The following WWOX variants were observed in gnomAD, a reference collection of about 807,000 sequenced individuals.
The protein encoded by WWOX is WW domain containing oxidoreductase.
In WWOX, 69 loss-of-function variants were observed where a neutral mutation model predicts 46.2. That is an observed-to-expected ratio of 1.49 (90% CI 1.23 to 1.82). WWOX has a LOEUF of 1.82. WWOX is among the 40% of genes most tolerant of loss of function. The probability of loss-of-function intolerance (pLI) is 0.00; values close to 1 mark genes in which losing one functional copy is unlikely to be tolerated. For synonymous variants in WWOX, 359 were observed against 202.6 expected (o/e 1.77, Z -6.56); for missense variants, 919 against 542.6 (o/e 1.69, Z -6.89).
chr16:78,502,711 T>C (rs1567609799), intron 8 of WWOX, among the ~76,000 whole-genome samples: 1 of 152,202 alleles, frequency 6.6e-6, no homozygotes, highest in Non-Finnish European at 1.5e-5. Context: ...CAGTGATGTC[T>C]ATGACACTGG....
intron 8 of WWOX, among the ~76,000 whole-genome samples, chr16:78,517,833 A>G (rs1187238359): frequency 6.6e-6 from 1 of 151,498 alleles, no homozygotes; most frequent in African/African-American, 2.4e-5. Context: ...TGAAAAAAAA[A>G]AAGAATGATG....
chr16:78,729,603 C>G (rs950053511), intron 8 of WWOX, among the ~76,000 whole-genome samples: 3 of 152,052 alleles, frequency 2.0e-5, no homozygotes, highest in Non-Finnish European at 4.4e-5. Context: ...ACTGGAAGAT[C>G]TCTTCCAGGG....
intron 8 of WWOX, among the ~76,000 whole-genome samples, chr16:79,169,697 G>T (rs972247619): frequency 2.6e-5 from 4 of 152,212 alleles, no homozygotes; most frequent in Non-Finnish European, 5.9e-5. Flanking sequence ...AGTTTAGAAT[G>T]GACCTGCCAA....
chr16:78,549,317 C>A lies in WWOX; in HGVS notation c.1056+116565C>A, dbSNP rs147664477. ...TTCAAAATAAATTCTGGGGAGCGTT[C>A]AACCTGATTGAATCTGCTGTAAGCT... On this transcript the variant is annotated intron_variant, in intron 8 of 8. Coordinates refer to ENST00000566780, the MANE Select transcript of WWOX (RefSeq NM_016373.4). Among the ~76,000 whole-genome samples, 919 of 152,320 alleles carry A rather than the reference C, an allele frequency of 6.0e-3. 16 individuals are homozygous for A. Among genetic ancestry groups the A allele is most frequent in the African/African-American group, 0.021 (885 of 41,578 alleles).
chr16:79,094,342 C>G (rs1336325193), intron 8 of WWOX, among the ~76,000 whole-genome samples: 6 of 151,252 alleles, frequency 4.0e-5, no homozygotes, highest in Non-Finnish European at 7.4e-5. Context: ...CAAACTCCAA[C>G]TGGTTCAAGC....
intron 8 of WWOX, among the ~76,000 whole-genome samples, chr16:78,584,571 T>G (rs78297085): frequency 6.6e-6 from 1 of 152,132 alleles, no homozygotes; most frequent in African/African-American, 2.4e-5. Context: ...ATATATACCT[T>G]TTAAAGTTTG....
At chr16:78,395,003 G>C (rs1313586166) in intron 6 of WWOX, among the ~76,000 whole-genome samples, 1 of 152,146 alleles carries the variant, frequency 6.6e-6, no homozygotes, top group African/African-American at 2.4e-5. Flanking sequence ...GTTGATTATT[G>C]AAAATAGCCA....
At chr16:79,000,529 T>G (rs1308191952) in intron 8 of WWOX, among the ~76,000 whole-genome samples, 1 of 152,088 alleles carries the variant, frequency 6.6e-6, no homozygotes, top group Non-Finnish European at 1.5e-5. Context: ...CTTGGCCTGA[T>G]GTTACCAGCT....
At chr16:78,419,425 G>T (rs1266084479) in intron 6 of WWOX, among the ~76,000 whole-genome samples, 2 of 151,866 alleles carry the variant, frequency 1.3e-5, no homozygotes, top group Admixed American at 1.3e-4. Context: ...TGTCATATTG[G>T]CATAAGAATA....
intron 8 of WWOX, among the ~76,000 whole-genome samples, chr16:78,964,005 C>G (rs1294513699): frequency 6.6e-6 from 1 of 152,166 alleles, no homozygotes; most frequent in Non-Finnish European, 1.5e-5. Flanking sequence ...GTGCCTTTCA[C>G]CTCCACCATG....
intron 5 of WWOX, among the ~76,000 whole-genome samples, chr16:78,359,288 A>C (rs2081360686): frequency 2.6e-5 from 4 of 152,204 alleles, no homozygotes; most frequent in Admixed American, 2.6e-4. Flanking sequence ...TTCAGTTTTA[A>C]ATAAGTTTTG....
intron 7 of WWOX, among the ~76,000 whole-genome samples, chr16:78,426,670 G>C (rs4073161): frequency 6.6e-6 from 1 of 151,804 alleles, no homozygotes; most frequent in Non-Finnish European, 1.5e-5. Flanking sequence ...TATTATTACT[G>C]TTATTATTAT....
At chr16:79,076,299 C>G (rs1044999392) in intron 8 of WWOX, among the ~76,000 whole-genome samples, 4 of 152,212 alleles carry the variant, frequency 2.6e-5, no homozygotes, top group Non-Finnish European at 4.4e-5. Context: ...TTCCTAGTAT[C>G]TGGATGACTT....
chr16:78,573,273 G>A (rs1247480363), intron 8 of WWOX, among the ~76,000 whole-genome samples: 2 of 152,176 alleles, frequency 1.3e-5, no homozygotes, highest in African/African-American at 2.4e-5. Flanking sequence ...GCAACACAGC[G>A]TGACTCCATC....
At position 78,808,066 on chromosome 16, in the gene WWOX, CATCCCCTTCCCCATTTGGAG is replaced by C. The variant is rs1275769546; in HGVS notation, c.1056+375316_1056+375335del. On this transcript the variant is annotated intron_variant, in intron 8 of 8. Coordinates refer to ENST00000566780, the MANE Select transcript of WWOX (RefSeq NM_016373.4). ...CCCCACAGACATTTGTGCTCAAAGGCATCCCCTTCCCCATTTGGAGACTCTCCTAGGGCCTAGGCCCAAGC... is the reference window on the plus strand; with the variant it reads ...CCCCACAGACATTTGTGCTCAAAGGCACTCTCCTAGGGCCTAGGCCCAAGC... 2.6e-5 allele frequency among the ~76,000 whole-genome samples: 4 copies of C among 152,186 alleles called. No homozygotes were observed. The South Asian group carries it at 6.2e-4, about 24-fold the overall frequency.
chr16:78,571,183 A>G (rs190763533), intron 8 of WWOX, among the ~76,000 whole-genome samples: 11 of 152,366 alleles, frequency 7.2e-5, no homozygotes, highest in Admixed American at 5.2e-4. Flanking sequence ...TGATGATTCT[A>G]AATGTTAATA....
intron 3 of WWOX, among the ~76,000 whole-genome samples, chr16:78,110,428 C>T (rs1436161297): frequency 6.7e-6 from 1 of 149,224 alleles, no homozygotes; most frequent in Admixed American, 6.7e-5. Flanking sequence ...TGAGCATTTT[C>T]TTGTATCCAT....
At chr16:78,977,727 T>G (rs1375120795) in intron 8 of WWOX, among the ~76,000 whole-genome samples, 2 of 151,878 alleles carry the variant, frequency 1.3e-5, no homozygotes, top group Admixed American at 1.3e-4. Context: ...GTGCAGGGGG[T>G]GCCTGCAAGT....
At chr16:79,016,878 T>A (rs1026499442) in intron 8 of WWOX, 4 of 152,168 alleles carry the variant, frequency 2.6e-5, no homozygotes, top group African/African-American at 9.7e-5. Flanking sequence ...CTGTGTATTT[T>A]CTCATCGTCT....
Sources: gnomAD v4.1 joint callset for allele counts (sites outside exome capture counted in the v4.1 genomes callset) on GRCh38, gnomAD v4.1.1 for gene constraint, MANE v1.5 for transcripts, NCBI Gene and HGNC (gene_info 2026-07-23, HGNC 2026-07-21) for gene names.